The following SHOX variants were observed in gnomAD, a reference collection of about 807,000 sequenced individuals.
SHOX encodes the protein SHOX homeobox.
A neutral mutation model predicts 29.6 loss-of-function variants in SHOX; 12 were observed. That is an observed-to-expected ratio of 0.41 (90% CI 0.26 to 0.66). The LOEUF is 0.66. Among genes scored for constraint, SHOX ranks in the 30% least tolerant of loss-of-function variants. SHOX has a pLI of 0.35. For missense variants in SHOX, 499 were observed against 437.7 expected, an observed-to-expected ratio of 1.14 and a Z score of -1.25; for synonymous variants, 214 against 200.6, an observed-to-expected ratio of 1.07 and a Z score of -0.57.
chrX:634,217 C>T (rs2052698894), intron 1 of SHOX, among the ~76,000 whole-genome samples: 1 of 152,224 alleles, frequency 6.6e-6, no homozygotes, highest in Admixed American at 6.5e-5. Flanking sequence ...TGCAACCCGC[C>T]CCGGGTCCTC....
At chrX:628,126 T>TGTGTCCC (rs58515457), upstream of SHOX, among the ~76,000 whole-genome samples, 1 of 151,920 alleles carries the variant, frequency 6.6e-6, no homozygotes, top group Non-Finnish European at 1.5e-5. Flanking sequence ...TCTTTGTCTC[T>TGTGTCCC]CTCTGTATCT....
At chrX:639,064 G>A (rs981699255) in intron 2 of SHOX, among the ~76,000 whole-genome samples, 11 of 152,222 alleles carry the variant, frequency 7.2e-5, no homozygotes, top group African/African-American at 2.4e-4. Context: ...TCTGTCTGTG[G>A]AGGAGGGGAT....
chrX:625,170 TC>T (rs1486370370), intron 1 of SHOX, among the ~76,000 whole-genome samples: 1 of 123,750 alleles, frequency 8.1e-6, no homozygotes, highest in African/African-American at 3.1e-5. Flanking sequence ...CCTTCCCCCA[TC>T]CTCCCCCTTC....
intron 1 of SHOX, among the ~76,000 whole-genome samples, chrX:632,740 G>A (rs867504967): frequency 4.6e-5 from 7 of 152,328 alleles, no homozygotes; most frequent in African/African-American, 1.7e-4. Flanking sequence ...GCCTTTGACA[G>A]TGAGAGGAGT....
downstream of SHOX, among the ~76,000 whole-genome samples, chrX:655,612 CTCTATATATATATATATA>C (rs1199239442): frequency 0.022 from 340 of 15,660 alleles, no homozygotes; most frequent in South Asian, 0.034. Context: ...CTCTCTCTCT[CTCTATATATATATATATA>C]TATATATATA....
Position 631,174 on chromosome X carries a change from G to T in SHOX, c.277G>T (p.Gly93Trp), listed in dbSNP as rs1458226053. Residue 93 changes from glycine (G) to tryptophan (W), a missense_variant and splice_region_variant, in exon 1 of 5, where the codon GGG becomes TGG. Gly to Trp is a radical substitution (Grantham distance 184, BLOSUM62 -2). Transcript: ENST00000686671. ...ATTCGGCACCGCGAGAGTGGCAGAA[G>T]GTAAGTTCCTTTGCGCTCCGGCTCC... ...KEFGTARVAE[G>W]IYECKEKRED... 2 of 1,612,616 alleles carry T rather than the reference G, an allele frequency of 1.2e-6. No homozygotes were observed. The highest frequency in any genetic ancestry group is 1.1e-5 in the South Asian group (1 of 91,068).
At chrX:629,299 GTCTCTT>G (rs1387525465), upstream of SHOX, among the ~76,000 whole-genome samples, 1 of 129,904 alleles carries the variant, frequency 7.7e-6, no homozygotes, top group Non-Finnish European at 1.6e-5. Flanking sequence ...CTCCCTGTCT[GTCTCTT>G]TCTCTGTCTC....
downstream of SHOX, among the ~76,000 whole-genome samples, chrX:653,456 A>G (rs955096136): frequency 2.0e-5 from 3 of 152,132 alleles, no homozygotes; most frequent in Non-Finnish European, 2.9e-5. Context: ...CTTGTTGCCA[A>G]TCACAAAGAA....
chrX:633,436 T>C (rs1369694101), intron 1 of SHOX, among the ~76,000 whole-genome samples: 1 of 142,900 alleles, frequency 7.0e-6, no homozygotes, highest in Non-Finnish European at 1.5e-5. Flanking sequence ...AAACAGAATG[T>C]GAAATCCACG....
chrX:654,916 G>A (rs912973415), downstream of SHOX, among the ~76,000 whole-genome samples: 14 of 97,710 alleles, frequency 1.4e-4, 1 homozygote, highest in South Asian at 3.2e-3. Context: ...TTGAGCTCCC[G>A]ACCTCGGGTG....
Position 644,813 on chromosome X carries a change from C to G in SHOX, c.*177C>G, listed in dbSNP as rs181472527. 2.3e-3 allele frequency: 1,804 copies of G among 781,964 alleles called. 28 individuals carry two copies. In the African/African-American group the frequency reaches 0.029, roughly 13 times the overall value. 48.4% of individuals were successfully genotyped at this position (781,964 alleles called of 1,614,324 possible). ...GGCTCCCGGGACCGTCCACGCACGACCCAGCCAGACCCTCGCGGAGATGGT... is the reference window on the plus strand; with the variant it reads ...GGCTCCCGGGACCGTCCACGCACGAGCCAGCCAGACCCTCGCGGAGATGGT... On this transcript the variant is annotated 3_prime_UTR_variant, in exon 5 of 5. Transcript: ENST00000686671.
chrX:634,515 G>C, intron 1 of SHOX, 103 bp from the exon 2 acceptor site: 1 of 1,266,148 alleles, frequency 7.9e-7, no homozygotes, highest in South Asian at 1.3e-5. Flanking sequence ...AAAGCGCATT[G>C]GTTTTCGAGG....
downstream of SHOX, among the ~76,000 whole-genome samples, chrX:654,340 A>G (rs2053107929): frequency 6.6e-6 from 1 of 152,040 alleles, no homozygotes; most frequent in African/African-American, 2.4e-5. Flanking sequence ...AACTTAAAGT[A>G]TAATAATAAA....
At chrX:651,639 T>C (rs1282191625), downstream of SHOX, among the ~76,000 whole-genome samples, 1 of 108,318 alleles carries the variant, frequency 9.2e-6, no homozygotes, top group African/African-American at 4.0e-5. Flanking sequence ...ACAGGCTTAT[T>C]GGAAAAAAAA....
At position 650,371 on chromosome X, in the gene SHOX, T is replaced by G. The variant is rs1367842785; in HGVS notation, c.*5735T>G. ...AGCCAGGCCCCCGAAATGGTCCCAT[T>G]TCCTTGGAAGCCTGAGTTTCTGTTC... On this transcript the variant is annotated 3_prime_UTR_variant, in exon 5 of 5. Transcript: ENST00000686671. Among the ~76,000 whole-genome samples, 3 of 152,098 alleles carry G rather than the reference T, an allele frequency of 2.0e-5. No individual in the cohort carries two copies. The highest frequency in any genetic ancestry group is 1.5e-5 in the Non-Finnish European group (1 of 68,014).
At position 650,080 on chromosome X, in the gene SHOX, G is replaced by T. The variant is rs184149970; in HGVS notation, c.*5444G>T. ...AGAGTTAGAAAAATGCACCTTCTCT[G>T]GTGGCCGTTGGGGTGTTGTTTCACA... On this transcript the variant is annotated 3_prime_UTR_variant, in exon 5 of 5. Transcript: ENST00000686671. 8.9e-6 allele frequency: 4 copies of T among 451,308 alleles called. No individual in the cohort carries two copies. In the East Asian group the frequency reaches 2.1e-4, roughly 24 times the overall value. 28.0% of individuals were successfully genotyped at this position (451,308 alleles called of 1,614,324 possible).
intron 5 of SHOX, among the ~76,000 whole-genome samples, chrX:657,282 A>G (rs1354696783): frequency 6.6e-6 from 1 of 152,186 alleles, no homozygotes; most frequent in Non-Finnish European, 1.5e-5. Context: ...ATTCAGAAGA[A>G]CACATCCCTG....
In SHOX at chrX:646,804, A is replaced by AGCTGG. The variant is rs768145272; in HGVS notation, c.*2168_*2169insGCTGG. On this transcript the variant is annotated 3_prime_UTR_variant, in exon 5 of 5. Transcript: ENST00000686671. ...CTTAAAAGCTGGAAATTAAAAAAAA[A>AGCTGG]AAAGAGAGAGAGAGGCTTTAATAGT... 1 of 152,028 alleles carries AGCTGG rather than the reference A, an allele frequency of 6.6e-6. No individual in the cohort carries two copies. Among genetic ancestry groups the AGCTGG allele is most frequent in the Non-Finnish European group, 1.5e-5 (1 of 68,010 alleles). 9.4% of individuals were successfully genotyped at this position (152,028 alleles called of 1,614,324 possible).
chrX:638,548 A>G (rs973891356), intron 2 of SHOX, among the ~76,000 whole-genome samples: 2 of 152,064 alleles, frequency 1.3e-5, no homozygotes, highest in Non-Finnish European at 2.9e-5. Flanking sequence ...GTGAGGGAGG[A>G]TGACTTTGCT....
Sources: gnomAD v4.1 joint callset for allele counts (sites outside exome capture counted in the v4.1 genomes callset) on GRCh38, gnomAD v4.1.1 for gene constraint, MANE v1.5 for transcripts, NCBI Gene and HGNC (gene_info 2026-07-23, HGNC 2026-07-21) for gene names.